Variants in ITGAM observed in about 807,000 individuals in gnomAD.
The protein encoded by ITGAM is integrin subunit alpha M, also known as integrin alpha-M.
In ITGAM, 79 loss-of-function variants were observed where a neutral mutation model predicts 137.5. The observed-to-expected ratio is 0.57, with a 90% confidence interval of 0.48 to 0.69. The LOEUF (loss-of-function observed/expected upper bound fraction) is 0.69, where lower values mean the gene tolerates loss of function less well. Among genes scored for constraint, ITGAM ranks in the 30% least tolerant of loss-of-function variants. The pLI is 0.00. For missense variants in ITGAM, 1,343 were observed against 1,483.5 expected, an observed-to-expected ratio of 0.91 and a Z score of 1.56; for synonymous variants, 583 against 592.3, an observed-to-expected ratio of 0.98 and a Z score of 0.23.
intron 5 of ITGAM, among the ~76,000 whole-genome samples, chr16:31,269,127 T>C (rs2079801671): frequency 1.3e-5 from 2 of 152,136 alleles, no homozygotes; most frequent in African/African-American, 2.4e-5. Context: ...AGGGATGAAA[T>C]CATCGGGAGT....
chr16:31,328,548 CGT>C (rs902891973), intron 23 of ITGAM, among the ~76,000 whole-genome samples: 6 of 145,744 alleles, frequency 4.1e-5, no homozygotes, highest in South Asian at 2.2e-4. Flanking sequence ...TGTATTTGTG[CGT>C]GTGTGTGAGG....
intron 14 of ITGAM, among the ~76,000 whole-genome samples, chr16:31,304,496 C>A (rs1333926730): frequency 6.6e-6 from 1 of 151,962 alleles, no homozygotes; most frequent in Non-Finnish European, 1.5e-5. Flanking sequence ...GGTTTTGTTG[C>A]ATTTGCTTTT....
intron 11 of ITGAM, 79 bp from the exon 12 acceptor site, chr16:31,277,888 G>A: frequency 6.9e-7 from 1 of 1,444,832 alleles, no homozygotes; most frequent in Non-Finnish European, 9.4e-7. Flanking sequence ...CTGCCCCAGT[G>A]CCCCTACTCA....
intron 12 of ITGAM, among the ~76,000 whole-genome samples, chr16:31,295,532 T>G (rs2144372820): frequency 6.6e-6 from 1 of 151,884 alleles, no homozygotes; most frequent in Middle Eastern, 3.4e-3. Context: ...TTTTTCACAT[T>G]GATTTTGTAA....
At chr16:31,307,498 G>T (rs944654749) in intron 14 of ITGAM, among the ~76,000 whole-genome samples, 2 of 152,168 alleles carry the variant, frequency 1.3e-5, no homozygotes, top group Non-Finnish European at 2.9e-5. Context: ...CATTGATTTT[G>T]TATCCTGAGA....
intron 28 of ITGAM, 150 bp downstream of exon 28, chr16:31,330,755 G>C (rs1483945765): frequency 1.1e-5 from 7 of 620,410 alleles, no homozygotes; most frequent in Non-Finnish European, 1.7e-5. Flanking sequence ...TAAGGAGAGA[G>C]ACAGACAGAG....
At chr16:31,308,862 CA>C (rs1456652586) in intron 14 of ITGAM, among the ~76,000 whole-genome samples, 2 of 149,420 alleles carry the variant, frequency 1.3e-5, no homozygotes, top group African/African-American at 4.9e-5. Context: ...TCTTTGTTCT[CA>C]TTGGTTTCAA....
intron 12 of ITGAM, among the ~76,000 whole-genome samples, chr16:31,283,680 C>T (rs908669107): frequency 2.6e-5 from 4 of 152,132 alleles, no homozygotes; most frequent in Non-Finnish European, 4.4e-5. Context: ...TCCTTTAGCT[C>T]GGAGAAGTTT....
intron 12 of ITGAM, among the ~76,000 whole-genome samples, chr16:31,282,569 T>G: frequency 6.6e-6 from 1 of 152,216 alleles, no homozygotes; most frequent in East Asian, 1.9e-4. Context: ...TCCATTTGCT[T>G]GGTAGATCTT....
intron 12 of ITGAM, among the ~76,000 whole-genome samples, chr16:31,290,504 T>C (rs1310668432): frequency 2.0e-5 from 3 of 152,172 alleles, no homozygotes; most frequent in Non-Finnish European, 4.4e-5. Context: ...TGAACAGATA[T>C]AGAACTCTAA....
In ITGAM at chr16:31,302,428, C is replaced by CTTTCTTTCTTTCT. The variant is rs71390270; in HGVS notation, c.1707+4476_1707+4477insTCTTTCTTTCTTT. ...TTCTTTTTTCTTTCTTTCTTTCTTT[C>CTTTCTTTCTTTCT]TTCTTTCTTTCTTTCTTTCTTTCTT... On this transcript the variant is annotated intron_variant, in intron 14 of 29. Transcript: ENST00000544665. 4.9e-3 allele frequency among the ~76,000 whole-genome samples: 507 copies of CTTTCTTTCTTTCT among 103,076 alleles called. 14 individuals are homozygous for CTTTCTTTCTTTCT. Among genetic ancestry groups the CTTTCTTTCTTTCT allele is most frequent in the African/African-American group, 8.5e-3 (154 of 18,094 alleles). 67.6% of individuals were successfully genotyped at this position (103,076 alleles called of 152,430 possible).
At chr16:31,310,129 T>A (rs542530985) in intron 14 of ITGAM, among the ~76,000 whole-genome samples, 2 of 151,688 alleles carry the variant, frequency 1.3e-5, no homozygotes, top group African/African-American at 2.4e-5. Flanking sequence ...CCCTTAACAT[T>A]TTTTCCTTCA....
intron 29 of ITGAM, 159 bp from the exon 30 acceptor site, chr16:31,331,475 TTC>T (rs1179785966): frequency 1.6e-6 from 1 of 638,436 alleles, no homozygotes; most frequent in African/African-American, 1.9e-5. Context: ...TCCTTGTAGT[TTC>T]TGTTTTTCTC....
At chr16:31,325,709 CT>C in intron 21 of ITGAM, 87 bp downstream of exon 21, 1 of 1,482,818 alleles carries the variant, frequency 6.7e-7, no homozygotes. Context: ...GTAGTGGTTC[CT>C]TTTTGTACAA....
intron 12 of ITGAM, among the ~76,000 whole-genome samples, chr16:31,285,099 G>A (rs976776020): frequency 2.4e-4 from 36 of 152,032 alleles, no homozygotes; most frequent in African/African-American, 7.5e-4. Context: ...TGAGGGGGTC[G>A]TGATCGATTG....
chr16:31,297,676 G>A, intron 13 of ITGAM, 22 bp downstream of exon 13: 1 of 1,609,012 alleles, frequency 6.2e-7, no homozygotes. Flanking sequence ...TGGGACCTGG[G>A]CTGGGTGGGG....
intron 12 of ITGAM, among the ~76,000 whole-genome samples, chr16:31,290,950 A>G (rs1209486602): frequency 2.0e-5 from 3 of 152,210 alleles, no homozygotes; most frequent in Non-Finnish European, 2.9e-5. Context: ...GGAAATTTAA[A>G]TTAAAAAGTA....
chr16:31,262,349 T>A (rs13337427), intron 2 of ITGAM, among the ~76,000 whole-genome samples: 5,036 of 76,098 alleles, frequency 0.066, 269 homozygotes, highest in African/African-American at 0.15. Context: ...CCTTCCTTCC[T>A]TCCTTCCTTC....
chr16:31,273,316 G>A (rs1265736823), intron 7 of ITGAM, 49 bp from the exon 8 acceptor site: 6 of 1,466,572 alleles, frequency 4.1e-6, no homozygotes, highest in African/African-American at 2.9e-5. Context: ...AAAAAAACTA[G>A]TGTGTCATCT....
Sources: gnomAD v4.1 joint callset for allele counts (sites outside exome capture counted in the v4.1 genomes callset) on GRCh38, gnomAD v4.1.1 for gene constraint, MANE v1.5 for transcripts, NCBI Gene and HGNC (gene_info 2026-07-23, HGNC 2026-07-21) for gene names.